FOXP1: variants seen among roughly 807,000 people sequenced by gnomAD.
The protein encoded by FOXP1 is forkhead box protein P1.
Under a neutral mutation model 98.2 loss-of-function variants are expected in FOXP1, and 15 were observed. The ratio of observed to expected loss-of-function variants is 0.15; its 90% CI spans 0.10 to 0.24. The LOEUF is 0.24. FOXP1 is among the 10% of genes least tolerant of loss of function. The probability of loss-of-function intolerance (pLI) is 1.00; values close to 1 mark genes in which losing one functional copy is unlikely to be tolerated. For missense variants in FOXP1, 633 were observed against 848.5 expected, an observed-to-expected ratio of 0.75 and a Z score of 3.15; for synonymous variants, 371 against 314.5, an observed-to-expected ratio of 1.18 and a Z score of -1.90.
chr3:71,564,695 A>G (rs2046781697), intron 2 of FOXP1, among the ~76,000 whole-genome samples: 1 of 152,376 alleles, frequency 6.6e-6, no homozygotes, highest in South Asian at 2.1e-4. Context: ...TTAAATGTCA[A>G]TTACAGAGTT....
intron 2 of FOXP1, among the ~76,000 whole-genome samples, chr3:71,559,842 G>T (rs1156270186): frequency 6.6e-6 from 1 of 151,826 alleles, no homozygotes; most frequent in Non-Finnish European, 1.5e-5. Flanking sequence ...AGGAAACCTT[G>T]TCTGGGGGCT....
At chr3:71,113,712 C>CATAAAATAAAATAAAATAAAAT (rs145515459) in intron 6 of FOXP1, among the ~76,000 whole-genome samples, 1 of 102,378 alleles carries the variant, frequency 9.8e-6, no homozygotes, top group African/African-American at 3.8e-5. Flanking sequence ...GCTTCCATCT[C>CATAAAATAAAATAAAATAAAAT]AAAATAAAAT....
intron 7 of FOXP1, among the ~76,000 whole-genome samples, chr3:71,061,007 C>A (rs1406771608): frequency 6.6e-6 from 1 of 152,078 alleles, no homozygotes; most frequent in Non-Finnish European, 1.5e-5. Context: ...TCCTACAATC[C>A]AAAAGTAGAG....
chr3:71,110,317 T>C (rs1210427644), intron 7 of FOXP1, among the ~76,000 whole-genome samples: 1 of 152,228 alleles, frequency 6.6e-6, no homozygotes, highest in Non-Finnish European at 1.5e-5. Flanking sequence ...TGATATTCAA[T>C]ACTGAAGAGC....
chr3:70,967,703 TTTTTTTG>T (rs2035214011), intron 19 of FOXP1, among the ~76,000 whole-genome samples: 3 of 119,694 alleles, frequency 2.5e-5, no homozygotes, highest in African/African-American at 1.3e-4. Flanking sequence ...TTTTTTTGTT[TTTTTTTG>T]TTTTTTTTTT....
intron 6 of FOXP1, among the ~76,000 whole-genome samples, chr3:71,178,156 G>GAA (rs2062060005): frequency 1.0e-5 from 1 of 96,776 alleles, no homozygotes. Context: ...TTTTTTTTTT[G>GAA]AGAGAGTCTT....
intron 7 of FOXP1, among the ~76,000 whole-genome samples, chr3:71,086,781 T>C (rs2055148530): frequency 6.6e-6 from 1 of 152,232 alleles, no homozygotes; most frequent in South Asian, 2.1e-4. Flanking sequence ...TAAAAGCGAT[T>C]TGCTTGATCC....
intron 4 of FOXP1, among the ~76,000 whole-genome samples, chr3:71,318,226 A>T (rs889577718): frequency 4.0e-5 from 6 of 150,184 alleles, no homozygotes; most frequent in Non-Finnish European, 8.8e-5. Context: ...AGTTTCAGGG[A>T]CAGAAGGAAC....
intron 12 of FOXP1, among the ~76,000 whole-genome samples, chr3:71,013,324 A>T (rs1349510925): frequency 6.6e-6 from 1 of 152,186 alleles, no homozygotes; most frequent in Non-Finnish European, 1.5e-5. Flanking sequence ...TTGTATAACA[A>T]AGAATGGGTC....
chr3:71,196,644 T>C (rs1030791110), intron 6 of FOXP1, among the ~76,000 whole-genome samples: 1 of 152,248 alleles, frequency 6.6e-6, no homozygotes, highest in African/African-American at 2.4e-5. Flanking sequence ...CAACATTAAC[T>C]ATTTGTTCTG....
At chr3:71,214,345 C>T (rs1046260614) in intron 5 of FOXP1, among the ~76,000 whole-genome samples, 1 of 152,172 alleles carries the variant, frequency 6.6e-6, no homozygotes, top group Non-Finnish European at 1.5e-5. Context: ...AAAGACAGGG[C>T]TTGAGGTGCC....
In FOXP1 at chr3:70,962,291, C is replaced by T. The variant is rs1319159389; in HGVS notation, c.1890-2900G>A. Among the ~76,000 whole-genome samples the T allele has an allele frequency of 2.6e-5, 4 of 152,128 alleles. 1 individual carries two copies. In the South Asian group the frequency reaches 6.2e-4, roughly 24 times the overall value. ...TTTCTCTTTTACTGTTTGTATAATACAATGACCACTTTTATCCATTAATCT... is the reference window on the plus strand; with the variant it reads ...TTTCTCTTTTACTGTTTGTATAATATAATGACCACTTTTATCCATTAATCT... On this transcript the variant is annotated intron_variant, in intron 20 of 20. Coordinates refer to ENST00000649528, the MANE Select transcript of FOXP1 (RefSeq NM_001349338.3).
chr3:71,066,045 T>C (rs2052445662), intron 7 of FOXP1, among the ~76,000 whole-genome samples: 1 of 138,154 alleles, frequency 7.2e-6, no homozygotes, highest in Non-Finnish European at 1.5e-5. Context: ...CTCAAAATAT[T>C]AGAGGAAAAG....
At chr3:71,226,882 A>C (rs978330174) in intron 5 of FOXP1, among the ~76,000 whole-genome samples, 1 of 152,036 alleles carries the variant, frequency 6.6e-6, no homozygotes, top group Non-Finnish European at 1.5e-5. Flanking sequence ...GTACAGTCAC[A>C]CTGGTCAGAC....
chr3:71,452,449 C>T (rs1239283146), intron 3 of FOXP1, among the ~76,000 whole-genome samples: 1 of 152,160 alleles, frequency 6.6e-6, no homozygotes, highest in Non-Finnish European at 1.5e-5. Flanking sequence ...ACTCAAAGAG[C>T]CAGCAAGGCA....
At chr3:71,427,903 G>T (rs886538715) in intron 3 of FOXP1, among the ~76,000 whole-genome samples, 1 of 151,992 alleles carries the variant, frequency 6.6e-6, no homozygotes, top group Non-Finnish European at 1.5e-5. Flanking sequence ...TCTGAATGAA[G>T]GTCAGGGGGG....
At chr3:71,298,189 G>C (rs1488833583) in intron 5 of FOXP1, among the ~76,000 whole-genome samples, 1 of 152,224 alleles carries the variant, frequency 6.6e-6, no homozygotes, top group South Asian at 2.1e-4. Context: ...AACTGAGGCC[G>C]GGAGCAGTGC....
chr3:71,514,762 C>A (rs1202595904), intron 2 of FOXP1, among the ~76,000 whole-genome samples: 1 of 152,170 alleles, frequency 6.6e-6, no homozygotes, highest in Non-Finnish European at 1.5e-5. Flanking sequence ...CATGTGGAGC[C>A]GACCCAGGTG....
At chr3:71,574,490 C>A (rs139612072) in intron 2 of FOXP1, 3 of 152,224 alleles carry the variant, frequency 2.0e-5, no homozygotes, top group Non-Finnish European at 4.4e-5. Flanking sequence ...TTGTAGGATG[C>A]CTTCTTCTTA....
Sources: allele counts gnomAD v4.1 joint callset (sites outside exome capture counted in the v4.1 genomes callset), GRCh38; gene constraint gnomAD v4.1.1; transcripts MANE v1.5; gene names NCBI Gene and HGNC (gene_info 2026-07-23, HGNC 2026-07-21).